The following ADAMTSL1 variants were observed in gnomAD, a reference collection of about 807,000 sequenced individuals.
ADAMTSL1 encodes the protein ADAMTS-like protein 1.
Under a neutral mutation model 201.8 loss-of-function variants are expected in ADAMTSL1, and 126 were observed. The observed-to-expected ratio is 0.62, with a 90% CI of 0.54 to 0.72. ADAMTSL1 has a LOEUF of 0.72. Among genes scored for constraint, ADAMTSL1 ranks in the 30% least tolerant of loss-of-function variants. The pLI, the probability that ADAMTSL1 is intolerant of heterozygous loss-of-function variation, is 0.00. For synonymous variants in ADAMTSL1, 1,121 were observed against 903.4 expected (o/e 1.24, Z -4.32); for missense variants, 2,679 against 2,277.8 (o/e 1.18, Z -3.59).
chr9:18,330,531 C>G (rs772288919), intron 2 of ADAMTSL1, among the ~76,000 whole-genome samples: 16 of 151,704 alleles, frequency 1.1e-4, no homozygotes, highest in Non-Finnish European at 2.4e-4. Context: ...CTGATGTTAT[C>G]ATTCCGAGAT....
At chr9:18,210,158 T>A (rs1480196597) in intron 2 of ADAMTSL1, among the ~76,000 whole-genome samples, 2 of 151,942 alleles carry the variant, frequency 1.3e-5, no homozygotes, top group Non-Finnish European at 2.9e-5. Context: ...CCCAAGAGAA[T>A]GAGCACATAC....
At chr9:17,971,510 A>G (rs1778173) in intron 1 of ADAMTSL1, among the ~76,000 whole-genome samples, 126,976 of 151,950 alleles carry the variant, frequency 0.84, 53,363 homozygotes, top group East Asian at 0.94. Context: ...AAATTAACCT[A>G]TGGTATAAAC....
chr9:18,609,805 G>A (rs377700132), intron 4 of ADAMTSL1, among the ~76,000 whole-genome samples: 1 of 152,160 alleles, frequency 6.6e-6, no homozygotes, highest in African/African-American at 2.4e-5. Context: ...AGAAATTCCA[G>A]GATAGTGGTC....
At chr9:18,244,072 T>C (rs1448583961) in intron 2 of ADAMTSL1, among the ~76,000 whole-genome samples, 1 of 146,322 alleles carries the variant, frequency 6.8e-6, no homozygotes, top group Non-Finnish European at 1.5e-5. Flanking sequence ...CTAAATGAAA[T>C]AGAGAGAAAT....
intron 1 of ADAMTSL1, among the ~76,000 whole-genome samples, chr9:18,033,047 G>T (rs892532379): frequency 6.6e-6 from 1 of 152,142 alleles, no homozygotes; most frequent in Non-Finnish European, 1.5e-5. Context: ...ACTATGCCTA[G>T]TTAGCCATCT....
intron 23 of ADAMTSL1, among the ~76,000 whole-genome samples, chr9:18,842,585 G>C (rs955419524): frequency 1.3e-5 from 2 of 152,046 alleles, no homozygotes; most frequent in Non-Finnish European, 2.9e-5. Context: ...TCAATTCCTG[G>C]GTATCCTTAT....
chr9:17,989,791 A>G lies in ADAMTSL1; in HGVS notation c.87+82869A>G, dbSNP rs1819076899. Among the ~76,000 whole-genome samples the G allele has an allele frequency of 2.0e-5, 3 of 151,692 alleles. No homozygotes were observed. In the South Asian group the frequency reaches 6.2e-4, roughly 31 times the overall value. ...TTTTTCATATGTTTGTTGGACATTG[A>G]CATTTTAAGCCTTTTCAAACTTAAA... On this transcript the variant is annotated intron_variant, in intron 1 of 29. Coordinates refer to the ADAMTSL1 transcript ENST00000680146.
At position 18,574,368 on chromosome 9, in the gene ADAMTSL1, T is replaced by A. The variant is rs756560870; in HGVS notation, c.474+102T>A. ...CTCTCTGAATCACTCATCTTTACAC[T>A]TTTTAGAGTTTGTAAATGGTGAAAG... is the stretch of plus-strand genomic sequence containing the variant. On this transcript the variant is annotated intron_variant, in intron 4 of 28. Coordinates refer to ENST00000380548, the MANE Select transcript of ADAMTSL1 (RefSeq NM_001040272.6). 11 of 1,042,552 alleles carry A rather than the reference T, an allele frequency of 1.1e-5. No homozygotes were observed. In the East Asian group the frequency reaches 2.6e-4, roughly 25 times the overall value. The allele number at this position is 1,042,552 out of a possible 1,614,324, so 64.6% of individuals were successfully genotyped here. A position where few individuals can be genotyped will look rare whatever the true frequency, so the allele number is the denominator to read the frequency against.
intron 2 of ADAMTSL1, among the ~76,000 whole-genome samples, chr9:18,320,511 A>G (rs549381264): frequency 1.3e-5 from 2 of 152,352 alleles, no homozygotes; most frequent in South Asian, 2.1e-4. Context: ...AACAACTGCT[A>G]AAAGAGTTCT....
intron 1 of ADAMTSL1, among the ~76,000 whole-genome samples, chr9:17,946,058 ATGTGTGTGTGTGTGTGTGTGTGTGTGTG>A (rs769591352): frequency 6.7e-5 from 10 of 148,158 alleles, no homozygotes; most frequent in Admixed American, 3.4e-4. Flanking sequence ...CATGATGTGT[ATGTGTGTGTGTGTGTGTGTGTGTGTGTG>A]TGTGTGTGTG....
chr9:18,749,434 G>T (rs10756985), intron 15 of ADAMTSL1, among the ~76,000 whole-genome samples: 8 of 151,704 alleles, frequency 5.3e-5, no homozygotes, highest in South Asian at 2.1e-4. Context: ...CAAGCAAAGA[G>T]GGGAAAAAGG....
chr9:18,601,285 T>C (rs948407325), intron 4 of ADAMTSL1, among the ~76,000 whole-genome samples: 1 of 152,132 alleles, frequency 6.6e-6, no homozygotes, highest in African/African-American at 2.4e-5. Context: ...GACAAGAACA[T>C]CAACTATGTA....
At chr9:18,806,407 G>A (rs1458743820) in intron 20 of ADAMTSL1, among the ~76,000 whole-genome samples, 1 of 152,166 alleles carries the variant, frequency 6.6e-6, no homozygotes, top group East Asian at 1.9e-4. Context: ...GGAAGAAGAG[G>A]AAAAGGGTTT....
chr9:18,569,076 G>T (rs1389678757), intron 3 of ADAMTSL1, among the ~76,000 whole-genome samples: 1 of 152,168 alleles, frequency 6.6e-6, no homozygotes, highest in Non-Finnish European at 1.5e-5. Flanking sequence ...TGCTGCGGTA[G>T]AATCTTGTAC....
At position 18,809,519 on chromosome 9, in the gene ADAMTSL1, G is replaced by A. The variant is rs939663974; in HGVS notation, c.3806-7590G>A. On this transcript the variant is annotated intron_variant, in intron 20 of 28. Transcript: ENST00000380548. ...GAAAAGGAGCTTGAGGCCGGGCATG[G>A]TGGCTCACTCCTGTAATCCCAGCAC... Among the ~76,000 whole-genome samples, 3 of 152,192 alleles carry A rather than the reference G, an allele frequency of 2.0e-5. No homozygotes were observed. In the East Asian group the frequency reaches 5.8e-4, roughly 29 times the overall value.
intron 20 of ADAMTSL1, among the ~76,000 whole-genome samples, chr9:18,810,689 A>G (rs941358194): frequency 6.6e-6 from 1 of 152,136 alleles, no homozygotes; most frequent in Non-Finnish European, 1.5e-5. Flanking sequence ...GAGTCTTTTC[A>G]TTGTATTTTG....
At chr9:17,992,715 A>G (rs1819209874) in intron 1 of ADAMTSL1, among the ~76,000 whole-genome samples, 1 of 152,196 alleles carries the variant, frequency 6.6e-6, no homozygotes, top group Non-Finnish European at 1.5e-5. Context: ...GTGAACGGGC[A>G]AGACCCTAAC....
chr9:17,919,026 A>G (rs1466677489), intron 1 of ADAMTSL1, among the ~76,000 whole-genome samples: 4 of 151,816 alleles, frequency 2.6e-5, no homozygotes, highest in African/African-American at 7.2e-5. Flanking sequence ...TTTTAATATA[A>G]TAGTTACCTC....
chr9:18,513,728 G>C (rs1466898343), intron 2 of ADAMTSL1, among the ~76,000 whole-genome samples: 1 of 152,150 alleles, frequency 6.6e-6, no homozygotes, highest in African/African-American at 2.4e-5. Context: ...AGTTTTCCCA[G>C]CACCTTTCCC....
Sources: allele counts gnomAD v4.1 joint callset (sites outside exome capture counted in the v4.1 genomes callset), GRCh38; gene constraint gnomAD v4.1.1; transcripts MANE v1.5; gene names NCBI Gene and HGNC (gene_info 2026-07-23, HGNC 2026-07-21).